The following CHD1 variants were observed in gnomAD, a reference collection of about 807,000 sequenced individuals.
The protein encoded by CHD1 is chromodomain helicase DNA binding protein 1.
In CHD1, 36 loss-of-function variants were observed where a neutral mutation model predicts 224.2. The observed-to-expected ratio is 0.16, with a 90% confidence interval of 0.12 to 0.21. The LOEUF is 0.21. Ranked by LOEUF, CHD1 falls within the 10% of genes least tolerant of loss-of-function variation. The pLI is 1.00. For missense variants in CHD1, 1,378 were observed against 1,994.8 expected (o/e 0.69, Z 5.89); for synonymous variants, 668 against 658.3 (o/e 1.01, Z -0.23).
intron 19 of CHD1, among the ~76,000 whole-genome samples, chr5:98,882,418 TGG>T (rs34271103): frequency 1.4e-4 from 18 of 133,244 alleles, no homozygotes; most frequent in Admixed American, 3.9e-4. Context: ...CTGGGGAAAA[TGG>T]GGGGGGGGCA....
chr5:98,897,040 G>GT (rs1751388456), intron 11 of CHD1, among the ~76,000 whole-genome samples, 153 bp downstream of exon 11: 1 of 152,126 alleles, frequency 6.6e-6, no homozygotes, highest in South Asian at 2.1e-4. Context: ...CTAGTATGTA[G>GT]TAAGTATTGT....
At chr5:98,898,219 A>G (rs1751469046) in intron 10 of CHD1, 37 bp downstream of exon 10, 2 of 1,134,362 alleles carry the variant, frequency 1.8e-6, no homozygotes, top group Non-Finnish European at 2.3e-6. Context: ...ATGTATAAAT[A>G]TATTTTTAAT....
rs1747953638 is a variant in CHD1 at position 98,855,469 on chromosome 5, A to C, written c.*911T>G. On this transcript the variant is annotated 3_prime_UTR_variant, in exon 36 of 36. Coordinates refer to ENST00000614616, the MANE Select transcript of CHD1 (RefSeq NM_001270.4). ...AAAGTGTTTCCAGAGCATGCAGTTTAGATTTTACATATCTCGCCATTTTTT... is the reference window on the plus strand; with the variant it reads ...AAAGTGTTTCCAGAGCATGCAGTTTCGATTTTACATATCTCGCCATTTTTT... 1 of 152,522 alleles carries C rather than the reference A, an allele frequency of 6.6e-6. No individual in the cohort carries two copies. Among genetic ancestry groups the C allele is most frequent in the Non-Finnish European group, 1.5e-5 (1 of 67,996 alleles). 9.4% of individuals were successfully genotyped at this position (152,522 alleles called of 1,614,324 possible).
Position 98,856,611 on chromosome 5 carries a change from G to A in CHD1, c.4902C>T (p.His1634=). The A allele has an allele frequency of 6.2e-7, 1 of 1,613,710 alleles. No individual in the cohort carries two copies. Among genetic ancestry groups the A allele is most frequent in the Non-Finnish European group, 8.5e-7 (1 of 1,179,690 alleles). ...GGTCTGAATGTAACCGATGATCTGA[G>A]TGAGAACGATGATCAGAATGAGATC... is the stretch of plus-strand genomic sequence containing the variant. ...KDRSHSDHRS[H]SDHRLHSDHR... Residue 1634 remains histidine, a synonymous_variant, in exon 36 of 36, where the codon CAC becomes CAT. Transcript: ENST00000614616.
intron 15 of CHD1, among the ~76,000 whole-genome samples, chr5:98,890,130 T>G (rs1210301113): frequency 6.6e-6 from 1 of 152,204 alleles, no homozygotes; most frequent in Non-Finnish European, 1.5e-5. Context: ...ATTACCCATG[T>G]AACAAACCTG....
rs1312519436 is a variant in CHD1 at position 98,869,891 on chromosome 5, C to G, written c.3979-9G>C. 2 of 1,578,780 alleles carry G rather than the reference C, an allele frequency of 1.3e-6. No individual in the cohort carries two copies. The highest frequency in any genetic ancestry group is 1.7e-6 in the Non-Finnish European group (2 of 1,156,058). ...CTCCTCTTTGAACTTCCCTAAAAATCATTATTTTAATTTTAACCAATTCTA... is the reference window on the plus strand; with the variant it reads ...CTCCTCTTTGAACTTCCCTAAAAATGATTATTTTAATTTTAACCAATTCTA... On this transcript the variant is annotated splice_polypyrimidine_tract_variant and intron_variant, in intron 29 of 35. Coordinates refer to ENST00000614616, the MANE Select transcript of CHD1 (RefSeq NM_001270.4).
intron 30 of CHD1, chr5:98,869,234 G>T: frequency 1.0e-6 from 1 of 984,016 alleles, no homozygotes; most frequent in Non-Finnish European, 1.2e-6. Flanking sequence ...GTCTCTTTCT[G>T]TTTTAATTTT....
intron 13 of CHD1, 116 bp from the exon 14 acceptor site, chr5:98,893,722 T>A: frequency 1.5e-6 from 1 of 666,360 alleles, no homozygotes. Context: ...AAACTTTGTC[T>A]AATTTTCAAA....
chr5:98,864,248 CG>C (rs1748687797), intron 31 of CHD1, among the ~76,000 whole-genome samples: 1 of 151,868 alleles, frequency 6.6e-6, no homozygotes, highest in Admixed American at 6.6e-5. Context: ...ACAAGGCAAC[CG>C]TCAGATAAAA....
intron 31 of CHD1, among the ~76,000 whole-genome samples, chr5:98,863,789 G>A (rs192178019): frequency 6.6e-6 from 1 of 151,968 alleles, no homozygotes; most frequent in African/African-American, 2.4e-5. Context: ...AAGCCTTTCT[G>A]TTATCATTTA....
intron 2 of CHD1, among the ~76,000 whole-genome samples, chr5:98,923,180 T>C (rs1039684895): frequency 6.6e-6 from 1 of 152,028 alleles, no homozygotes; most frequent in Non-Finnish European, 1.5e-5. Flanking sequence ...TTAATGACAG[T>C]AGAGCATAGT....
intron 16 of CHD1, 146 bp from the exon 17 acceptor site, chr5:98,888,386 A>G (rs1750791253): frequency 1.6e-6 from 1 of 642,290 alleles, no homozygotes. Context: ...AAAATTTTCT[A>G]AGACCTTTAC....
intron 16 of CHD1, among the ~76,000 whole-genome samples, chr5:98,888,823 T>A (rs1023462319): frequency 1.3e-5 from 2 of 152,228 alleles, no homozygotes; most frequent in African/African-American, 4.8e-5. Context: ...CTGTGGGATT[T>A]TCTTGCTGGA....
chr5:98,884,850 G>A (rs2112424837), intron 18 of CHD1, among the ~76,000 whole-genome samples: 1 of 151,218 alleles, frequency 6.6e-6, no homozygotes, highest in Admixed American at 6.6e-5. Flanking sequence ...CAAGTAACTG[G>A]GACTACAACC....
chr5:98,911,166 T>TAGAG (rs1752395111), intron 2 of CHD1, among the ~76,000 whole-genome samples: 1 of 131,314 alleles, frequency 7.6e-6, no homozygotes, highest in African/African-American at 3.0e-5. Flanking sequence ...TATATATATA[T>TAGAG]ATATATATAT....
chr5:98,911,146 A>AAAAAAAAATAT (rs1491111295), intron 2 of CHD1, among the ~76,000 whole-genome samples: 1 of 39,132 alleles, frequency 2.6e-5, no homozygotes, highest in Non-Finnish European at 4.5e-5. Flanking sequence ...AAAAAAAAAA[A>AAAAAAAAATAT]ATATATATAT....
rs767775120 is a variant in CHD1 at position 98,870,777 on chromosome 5, T to C, written c.3888A>G (p.Lys1296=). Residue 1296 remains lysine, a synonymous_variant, in exon 29 of 36, where the codon AAA becomes AAG. Transcript: ENST00000614616. ...HKILPDDPDK[K]PQAKQLQTRA... is the part of the protein sequence containing the mutation. ...GGGTCTGCAACTGTTTTGCTTGTGG[T>C]TTTTTATCGGGATCATCTGGAAGAA... 6 of 1,611,256 alleles carry C rather than the reference T, an allele frequency of 3.7e-6. No homozygotes were observed. The African/African-American group carries it at 8.0e-5, about 22-fold the overall frequency.
intron 12 of CHD1, 39 bp from the exon 13 acceptor site, chr5:98,894,725 TCAAG>T: frequency 1.1e-6 from 1 of 877,494 alleles, no homozygotes; most frequent in Non-Finnish European, 1.8e-6. Context: ...AAGACAAACA[TCAAG>T]CAAATTATAC....
chr5:98,896,606 G>C (rs1751356722), intron 11 of CHD1, among the ~76,000 whole-genome samples, 164 bp from the exon 12 acceptor site: 1 of 152,172 alleles, frequency 6.6e-6, no homozygotes, highest in Non-Finnish European at 1.5e-5. Flanking sequence ...AAAGGTATCT[G>C]GCTAAAGACT....
Sources: gnomAD v4.1 joint callset for allele counts (sites outside exome capture counted in the v4.1 genomes callset) on GRCh38, gnomAD v4.1.1 for gene constraint, MANE v1.5 for transcripts, NCBI Gene and HGNC (gene_info 2026-07-23, HGNC 2026-07-21) for gene names.